ZBTB10: variants seen among roughly 807,000 people sequenced by gnomAD.
ZBTB10 encodes the protein zinc finger and BTB domain containing 10, also known as zinc finger and BTB domain-containing protein 10.
ZBTB10 carries 32 observed loss-of-function variants against 76.4 expected under a neutral mutation model. That is an observed-to-expected ratio of 0.42 (90% confidence interval 0.32 to 0.56). ZBTB10 has a LOEUF of 0.56. Ranked by LOEUF, ZBTB10 falls within the 20% of genes least tolerant of loss-of-function variation. The pLI is 0.14. For synonymous variants in ZBTB10, 523 were observed against 432.9 expected, an observed-to-expected ratio of 1.21 and a Z score of -2.58; for missense variants, 1,057 against 1,098.5, an observed-to-expected ratio of 0.96 and a Z score of 0.53.
chr8:80,490,776 CAA>C (rs1161018393), intron 1 of ZBTB10, among the ~76,000 whole-genome samples: 3 of 152,166 alleles, frequency 2.0e-5, no homozygotes, highest in African/African-American at 7.2e-5. Context: ...AATTATTTCT[CAA>C]AGAGTCCCGT....
chr8:80,499,360 T>C, intron 1 of ZBTB10, 134 bp from the exon 2 acceptor site: 1 of 999,350 alleles, frequency 1.0e-6, no homozygotes, highest in Non-Finnish European at 1.4e-6. Flanking sequence ...CACTGTTCAC[T>C]CCATTTCTTG....
intron 3 of ZBTB10, among the ~76,000 whole-genome samples, chr8:80,516,294 C>T (rs1325094108): frequency 6.6e-6 from 1 of 152,140 alleles, no homozygotes; most frequent in Non-Finnish European, 1.5e-5. Context: ...TCTTTTGGTA[C>T]TAGTTTTCCA....
In ZBTB10 at chr8:80,486,805, C is replaced by A; in HGVS notation, c.-6C>A. On this transcript the variant is annotated 5_prime_UTR_variant, in exon 1 of 6. Coordinates refer to ENST00000455036, the MANE Select transcript of ZBTB10 (RefSeq NM_001105539.3). ...GCACCGGGCGGCGGCGGCGGCGGCG[C>A]GCGCCATGTCGTTCAGTGAAATGAA... 1 of 1,409,534 alleles carries A rather than the reference C, an allele frequency of 7.1e-7. No homozygotes were observed. Among genetic ancestry groups the A allele is most frequent in the Admixed American group, 3.5e-5 (1 of 28,338 alleles). The allele number at this position is 1,409,534 out of a possible 1,614,324, so 87.3% of individuals were successfully genotyped here. A position where few individuals can be genotyped will look rare whatever the true frequency, so the allele number is the denominator to read the frequency against.
At position 80,518,274 on chromosome 8, in the gene ZBTB10, TTTATTTAAC is replaced by T. The variant is rs11277704; in HGVS notation, c.1961-127_1961-119del. On this transcript the variant is annotated intron_variant, in intron 3 of 5. Coordinates refer to ENST00000455036, the MANE Select transcript of ZBTB10 (RefSeq NM_001105539.3). Reference sequence around the variant, plus strand: ...TCTCAATTTTAGACTAAAATACAGTTTTATTTAACTCATACTATGAAATTCTATCATAAT... The same window carrying T: ...TCTCAATTTTAGACTAAAATACAGTTTCATACTATGAAATTCTATCATAAT... 11,158 of 919,014 alleles carry T rather than the reference TTTATTTAAC, an allele frequency of 0.012. 881 individuals are homozygous for T. The African/African-American group carries it at 0.17, about 14-fold the overall frequency. The allele number at this position is 919,014 out of a possible 1,614,324, so 56.9% of individuals were successfully genotyped here. A position where few individuals can be genotyped will look rare whatever the true frequency, so the allele number is the denominator to read the frequency against.
rs2131465288 is a variant in ZBTB10, at chr8:80,486,705, C to G, written c.-106C>G. 2.0e-6 allele frequency: 2 copies of G among 995,610 alleles called. No homozygotes were observed. Among genetic ancestry groups the G allele is most frequent in the Middle Eastern group, 1.0e-3 (2 of 1,956 alleles). The allele number at this position is 995,610 out of a possible 1,614,324, so 61.7% of individuals were successfully genotyped here. A position where few individuals can be genotyped will look rare whatever the true frequency, so the allele number is the denominator to read the frequency against. On this transcript the variant is annotated 5_prime_UTR_variant, in exon 1 of 6. Coordinates refer to ENST00000455036, the MANE Select transcript of ZBTB10 (RefSeq NM_001105539.3). ...GCCGAGCCCCGCGAGACCGGAACGC[C>G]GGGGGCGGGGGCGAGACAGAGGGGG...
At chr8:80,512,752 T>A (rs914832320) in intron 2 of ZBTB10, among the ~76,000 whole-genome samples, 4 of 151,998 alleles carry the variant, frequency 2.6e-5, no homozygotes, top group Admixed American at 2.6e-4. Context: ...AAGAAAAAAA[T>A]CAGTCGTTAC....
chr8:80,505,006 A>AT (rs1816014043), intron 2 of ZBTB10, among the ~76,000 whole-genome samples: 1 of 152,160 alleles, frequency 6.6e-6, no homozygotes, highest in African/African-American at 2.4e-5. Flanking sequence ...CTGAGCCTAG[A>AT]TTTTTAAATT....
chr8:80,497,254 C>T (rs542861779), intron 1 of ZBTB10, among the ~76,000 whole-genome samples: 2 of 151,828 alleles, frequency 1.3e-5, no homozygotes, highest in East Asian at 1.9e-4. Flanking sequence ...TGCAGTAATC[C>T]AATACAACAT....
At chr8:80,507,506 T>C (rs113963022) in intron 2 of ZBTB10, among the ~76,000 whole-genome samples, 8,332 of 151,954 alleles carry the variant, frequency 0.055, 312 homozygotes, top group South Asian at 0.13. Flanking sequence ...TCCCAGCTAC[T>C]TGGGGGGCTG....
chr8:80,513,997 G>A lies in ZBTB10; in HGVS notation c.1949G>A (p.Gly650Glu), dbSNP rs760704130. The A allele has an allele frequency of 1.8e-5, 29 of 1,613,334 alleles. 1 individual carries two copies. In the South Asian group the frequency reaches 3.0e-4, roughly 17 times the overall value. The stretch of plus-strand genomic sequence containing the variant: ...GCTGAAGCTGGCACTAGTCAAGATG[G>A]AGGTGATGCTGGTAGGTACAGTAAG... ...LLAEAGTSQD[G>E]GDAGTSHDFK... The change falls in exon 3 of 6, where the codon GGA (glycine) becomes GAA (glutamate). Residue 650 changes from glycine (G) to glutamate (E), a missense_variant. Physicochemically the swap from Gly to Glu is moderately conservative, Grantham distance 98. This residue lies in a region of ZBTB10 where 306 missense variants were observed against 297.5 expected (regional missense o/e 1.03). Coordinates refer to ENST00000455036, the MANE Select transcript of ZBTB10 (RefSeq NM_001105539.3).
Position 80,500,400 on chromosome 8 carries a change from A to G in ZBTB10, c.1861+18A>G, listed in dbSNP as rs769237223. ...AGAACCAGGTAAATATTATCTATACAAGGATACTTCCTTGTTCATCCTAAT... is the reference window on the plus strand; with the variant it reads ...AGAACCAGGTAAATATTATCTATACGAGGATACTTCCTTGTTCATCCTAAT... On this transcript the variant is annotated intron_variant, in intron 2 of 5. Coordinates refer to ENST00000455036, the MANE Select transcript of ZBTB10 (RefSeq NM_001105539.3). 2.7e-6 allele frequency: 4 copies of G among 1,507,574 alleles called. No individual in the cohort carries two copies. The highest frequency in any genetic ancestry group is 1.4e-5 in the South Asian group (1 of 73,596). 93.4% of individuals were successfully genotyped at this position (1,507,574 alleles called of 1,614,324 possible).
chr8:80,492,609 G>C (rs1361748478), intron 1 of ZBTB10, among the ~76,000 whole-genome samples: 1 of 151,990 alleles, frequency 6.6e-6, no homozygotes, highest in Non-Finnish European at 1.5e-5. Flanking sequence ...CTCCTGATTA[G>C]CTGGGACTAC....
chr8:80,516,359 C>T (rs536632037), intron 3 of ZBTB10, among the ~76,000 whole-genome samples: 2 of 152,312 alleles, frequency 1.3e-5, no homozygotes, highest in Admixed American at 6.5e-5. Context: ...AACATTTATT[C>T]TACAAGTAAT....
At position 80,522,238 on chromosome 8, in the gene ZBTB10, C is replaced by A. The variant is rs189198365; in HGVS notation, c.*2710C>A. 1 of 151,920 alleles carries A rather than the reference C, an allele frequency of 6.6e-6. No homozygotes were observed. Among genetic ancestry groups the A allele is most frequent in the Admixed American group, 6.6e-5 (1 of 15,240 alleles). The allele number at this position is 151,920 out of a possible 1,614,324, so 9.4% of individuals were successfully genotyped here. On this transcript the variant is annotated 3_prime_UTR_variant, in exon 6 of 6. Coordinates refer to ENST00000455036, the MANE Select transcript of ZBTB10 (RefSeq NM_001105539.3). ...TCAGGAAGTTGATAGATACTAAGAA[C>A]TTATGATTGGTCTCAGAGGTAACAA...
At chr8:80,503,636 C>T (rs1013720860) in intron 2 of ZBTB10, among the ~76,000 whole-genome samples, 1 of 152,122 alleles carries the variant, frequency 6.6e-6, no homozygotes, top group Admixed American at 6.5e-5. Context: ...CCTGCCTCAG[C>T]TTCCCAGGTA....
In ZBTB10 at chr8:80,513,935, G is replaced by C. The variant is rs1172447167; in HGVS notation, c.1887G>C (p.Gly629=). The C allele has an allele frequency of 6.2e-7, 1 of 1,613,516 alleles. No individual in the cohort carries two copies. The highest frequency in any genetic ancestry group is 8.5e-7 in the Non-Finnish European group (1 of 1,179,616). ...EPDLDGALLS[G]PDGDRNVNAN... Reference sequence around the variant, plus strand: ...ATTTAGATGGTGCTCTACTCTCGGGGCCAGATGGTGATAGGAATGTGAATG... The same window carrying C: ...ATTTAGATGGTGCTCTACTCTCGGGCCCAGATGGTGATAGGAATGTGAATG... Residue 629 remains glycine (G), a synonymous_variant, in exon 3 of 6, where the codon GGG becomes GGC. Transcript: ENST00000455036.
intron 2 of ZBTB10, among the ~76,000 whole-genome samples, chr8:80,507,031 CG>C (rs1243388565): frequency 6.6e-6 from 1 of 152,052 alleles, no homozygotes; most frequent in East Asian, 1.9e-4. Flanking sequence ...CCTCTGAGGC[CG>C]GGTGCAGTGG....
intron 1 of ZBTB10, among the ~76,000 whole-genome samples, chr8:80,490,427 G>T (rs1487425155): frequency 2.0e-5 from 3 of 152,036 alleles, no homozygotes; most frequent in Admixed American, 2.0e-4. Flanking sequence ...GTTGAAACGG[G>T]AGTCTCGCTA....
In ZBTB10 at chr8:80,487,048, T is replaced by G. The variant is rs1815485843; in HGVS notation, c.238T>G (p.Ser80Ala). The G allele has an allele frequency of 1.3e-6, 2 of 1,517,416 alleles. No homozygotes were observed. The highest frequency in any genetic ancestry group is 5.2e-5 in the East Asian group (2 of 38,104). The allele number at this position is 1,517,416 out of a possible 1,614,324, so 94.0% of individuals were successfully genotyped here. A position where few individuals can be genotyped will look rare whatever the true frequency, so the allele number is the denominator to read the frequency against. Residue 80 changes from serine to alanine, a missense_variant, in exon 1 of 6, where the codon TCC (serine) becomes GCC (alanine). Around this residue, in one of 5 missense-constraint regions of ZBTB10, gnomAD observed 556 missense variants for 451.7 expected, o/e 1.23. Coordinates refer to ENST00000455036, the MANE Select transcript of ZBTB10 (RefSeq NM_001105539.3). ...CCTGGAGCCCCAAGACCTGGAGGCC[T>G]CCGCCGGGCCGGCCGCCGGCGCCGC... ...EGLEPQDLEA[S>A]AGPAAGAAEE... is the part of the protein sequence containing the mutation.
Sources: allele counts gnomAD v4.1 joint callset (sites outside exome capture counted in the v4.1 genomes callset), GRCh38; gene constraint gnomAD v4.1.1; regional missense constraint gnomAD v4.1.1; transcripts MANE v1.5; gene names NCBI Gene and HGNC (gene_info 2026-07-23, HGNC 2026-07-21).